PHACTR2: variants seen among roughly 807,000 people sequenced by gnomAD.
The protein encoded by PHACTR2 is chromosome 6 open reading frame 56.
A neutral mutation model predicts 76.0 loss-of-function variants in PHACTR2; 30 were observed. That is an observed-to-expected ratio of 0.39 (90% confidence interval 0.30 to 0.54). The LOEUF (loss-of-function observed/expected upper bound fraction) is 0.54. Among genes scored for constraint, PHACTR2 ranks in the 20% least tolerant of loss-of-function variants. The probability of loss-of-function intolerance (pLI) is 0.61; values close to 1 mark genes in which losing one functional copy is unlikely to be tolerated. For synonymous variants in PHACTR2, 292 were observed against 292.5 expected (o/e 1.00, Z 0.02); for missense variants, 696 against 781.1 (o/e 0.89, Z 1.30).
intron 2 of PHACTR2, among the ~76,000 whole-genome samples, chr6:143,747,373 T>C (rs1380039135): frequency 6.6e-6 from 1 of 152,218 alleles, no homozygotes; most frequent in Admixed American, 6.5e-5. Context: ...TTTCATGCAC[T>C]TACTACAAAG....
In PHACTR2 at chr6:143,823,573, G is replaced by T; in HGVS notation, c.1923-101G>T. The T allele has an allele frequency of 1.3e-6, 1 of 779,272 alleles. No individual in the cohort carries two copies. Among genetic ancestry groups the T allele is most frequent in the Non-Finnish European group, 2.3e-6 (1 of 442,396 alleles). The allele number at this position is 779,272 out of a possible 1,614,324, so 48.3% of individuals were successfully genotyped here. A position where few individuals can be genotyped will look rare whatever the true frequency, so the allele number is the denominator to read the frequency against. On this transcript the variant is annotated intron_variant, in intron 12 of 12. Coordinates refer to ENST00000440869, the MANE Select transcript of PHACTR2 (RefSeq NM_001100164.2). This position sits in a 1 kb window ranked among gnomAD's most constrained non-coding sequence, Gnocchi z 5.7. ...CAGTAATTCAGTTGGGGGATATCTG[G>T]GGTACCTTTTCATTGTAAACATGAC...
rs1778744773 is a variant in PHACTR2 at position 143,733,203 on chromosome 6, C to T, written c.215-15782C>T. 6.6e-6 allele frequency among the ~76,000 whole-genome samples: 1 copy of T among 152,142 alleles called. No individual in the cohort carries two copies. Among genetic ancestry groups the T allele is most frequent in the East Asian group, 1.9e-4 (1 of 5,202 alleles). On this transcript the variant is annotated intron_variant, in intron 2 of 12. Transcript: ENST00000440869. The surrounding 1 kb of genome is among the most constrained non-coding windows in gnomAD (Gnocchi z 4.0). ...TGAGCCACCATGCCTAGCCTGATTC[C>T]TCCTCTTTTTCTACCTTACTTTTTT...
rs1775739381 is a variant in PHACTR2 at position 143,595,591 on chromosome 6, T to C, written c.217+58384T>C. Among the ~76,000 whole-genome samples the C allele has an allele frequency of 6.6e-6, 1 of 152,236 alleles. No homozygotes were observed. Among genetic ancestry groups the C allele is most frequent in the Non-Finnish European group, 1.5e-5 (1 of 68,046 alleles). ...AAACTGATGCTCACTTGAAGTTCCA[T>C]GCCATGTATTTTATTTCAATAGCCA... On this transcript the variant is annotated intron_variant, in intron 1 of 11. Transcript: ENST00000367584. The surrounding 1 kb of genome is among the most constrained non-coding windows in gnomAD (Gnocchi z 4.2).
At position 143,743,902 on chromosome 6, in the gene PHACTR2, AC is replaced by A. The variant is rs1778997702; in HGVS notation, c.215-5082del. Among the ~76,000 whole-genome samples the A allele has an allele frequency of 6.6e-6, 1 of 152,204 alleles. No individual in the cohort carries two copies. The highest frequency in any genetic ancestry group is 2.1e-4 in the South Asian group (1 of 4,824). On this transcript the variant is annotated intron_variant, in intron 2 of 12. Coordinates refer to ENST00000440869, the MANE Select transcript of PHACTR2 (RefSeq NM_001100164.2). This position sits in a 1 kb window ranked among gnomAD's most constrained non-coding sequence, Gnocchi z 5.0. The stretch of plus-strand genomic sequence containing the variant: ...AAGTGACTTGTTGACTACAAGATTT[AC>A]TCTCACAGATATTTCCAGAGTAATA...
rs201321773 is a variant in PHACTR2 at position 143,639,233 on chromosome 6, CA to C, written c.13+30912del. Among the ~76,000 whole-genome samples the C allele has an allele frequency of 6.6e-3, 1,001 of 152,342 alleles. 24 individuals carry two copies. In the East Asian group the frequency reaches 0.093, roughly 14 times the overall value. ...CAATTGCTGCAAAGTACCTGAAGTA[CA>C]GTCTGTCTTTCCAAAACAAATTAAT... On this transcript the variant is annotated intron_variant, in intron 1 of 11. Coordinates refer to the PHACTR2 transcript ENST00000305766. The surrounding 1 kb of genome is among the most constrained non-coding windows in gnomAD (Gnocchi z 5.0).
rs1001296542 is a variant in PHACTR2, at chr6:143,830,973, C to T, written c.*7284C>T. The T allele has an allele frequency of 3.9e-5, 6 of 152,158 alleles. No homozygotes were observed. Among genetic ancestry groups the T allele is most frequent in the Non-Finnish European group, 8.8e-5 (6 of 68,024 alleles). The allele number at this position is 152,158 out of a possible 1,614,324, so 9.4% of individuals were successfully genotyped here. ...TTTAACACCTCTTTGTATGTAAGGT[C>T]TTGAGACATGTAAGGCCTGGTACTT... On this transcript the variant is annotated 3_prime_UTR_variant, in exon 13 of 13. Transcript: ENST00000440869.
In PHACTR2 at chr6:143,760,782, C is replaced by A; in HGVS notation, c.694+142C>A. On this transcript the variant is annotated intron_variant, in intron 5 of 12. Coordinates refer to ENST00000440869, the MANE Select transcript of PHACTR2 (RefSeq NM_001100164.2). The surrounding 1 kb of genome is among the most constrained non-coding windows in gnomAD (Gnocchi z 6.4). Reference sequence around the variant, plus strand: ...AGGTTCAGCTTTGACACAAAGAATGCCCAGGAGATTCCTTTGTTGCTCTCT... The same window carrying A: ...AGGTTCAGCTTTGACACAAAGAATGACCAGGAGATTCCTTTGTTGCTCTCT... The A allele has an allele frequency of 2.1e-6, 2 of 944,804 alleles. No homozygotes were observed. The highest frequency in any genetic ancestry group is 3.1e-6 in the Non-Finnish European group (2 of 649,242). 58.5% of individuals were successfully genotyped at this position (944,804 alleles called of 1,614,324 possible). A position where few individuals can be genotyped will look rare whatever the true frequency, so the allele number is the denominator to read the frequency against.
rs1775917530 is a variant in PHACTR2, at chr6:143,608,409, G to T, written c.13+87G>T. On this transcript the variant is annotated intron_variant, in intron 1 of 11. Coordinates refer to the PHACTR2 transcript ENST00000305766. This position sits in a 1 kb window ranked among gnomAD's most constrained non-coding sequence, Gnocchi z 4.6. Reference sequence around the variant, plus strand: ...ACTGCGGAAGGTTTGCCTATTTGTTGCTCTCGTTTTGCACTTAAATGTTCA... The same window carrying T: ...ACTGCGGAAGGTTTGCCTATTTGTTTCTCTCGTTTTGCACTTAAATGTTCA... 5.7e-6 allele frequency: 8 copies of T among 1,402,310 alleles called. No homozygotes were observed. In the South Asian group the frequency reaches 7.0e-5, roughly 12 times the overall value. The allele number at this position is 1,402,310 out of a possible 1,614,324, so 86.9% of individuals were successfully genotyped here. A position where few individuals can be genotyped will look rare whatever the true frequency, so the allele number is the denominator to read the frequency against.
chr6:143,766,972 C>A (rs1194350986), intron 6 of PHACTR2, among the ~76,000 whole-genome samples: 2 of 152,090 alleles, frequency 1.3e-5, no homozygotes, highest in Non-Finnish European at 2.9e-5. Context: ...TTGTTCAAAT[C>A]ATGTAAAAGG....
chr6:143,713,587 G>A (rs1174737317), intron 2 of PHACTR2, among the ~76,000 whole-genome samples: 1 of 152,216 alleles, frequency 6.6e-6, no homozygotes, highest in East Asian at 1.9e-4. Context: ...GCTGTGCTGT[G>A]TGAGGACACC....
rs78022084 is a variant in PHACTR2 at position 143,547,564 on chromosome 6, T to G, written c.217+10357T>G. On this transcript the variant is annotated intron_variant, in intron 1 of 11. Coordinates refer to the PHACTR2 transcript ENST00000367584. The surrounding 1 kb of genome is among the most constrained non-coding windows in gnomAD (Gnocchi z 4.2). ...AGTAAAGGAGCTTTGAAACAGCCAC[T>G]GTGACATTTGTAGAAGGGACCCAAT... Among the ~76,000 whole-genome samples, 747 of 152,316 alleles carry G rather than the reference T, an allele frequency of 4.9e-3. 9 individuals carry two copies. The highest frequency in any genetic ancestry group is 0.017 in the African/African-American group (709 of 41,550).
At chr6:143,734,526 T>C (rs2128466363) in intron 2 of PHACTR2, among the ~76,000 whole-genome samples, 1 of 152,360 alleles carries the variant, frequency 6.6e-6, no homozygotes, top group South Asian at 2.1e-4. Context: ...GAGCATTCTG[T>C]GAAAGCATTC....
At position 143,689,368 on chromosome 6, in the gene PHACTR2, A is replaced by C. The variant is rs1450681189; in HGVS notation, c.46+11159A>C. 1.3e-5 allele frequency among the ~76,000 whole-genome samples: 2 copies of C among 152,206 alleles called. No homozygotes were observed. Among genetic ancestry groups the C allele is most frequent in the Non-Finnish European group, 2.9e-5 (2 of 68,038 alleles). ...TCTTATTCCTAGGTATATGCCTGACACCAAAACTATTTGTCAAATAAATGA... is the reference window on the plus strand; with the variant it reads ...TCTTATTCCTAGGTATATGCCTGACCCCAAAACTATTTGTCAAATAAATGA... On this transcript the variant is annotated intron_variant, in intron 1 of 12. Coordinates refer to ENST00000440869, the MANE Select transcript of PHACTR2 (RefSeq NM_001100164.2). This position sits in a 1 kb window ranked among gnomAD's most constrained non-coding sequence, Gnocchi z 4.4.
intron 1 of PHACTR2, among the ~76,000 whole-genome samples, chr6:143,630,076 G>A (rs556704697): frequency 3.0e-4 from 45 of 151,532 alleles, no homozygotes; most frequent in African/African-American, 9.7e-4. Context: ...TTGGATACAT[G>A]ACCAAAATAA....
chr6:143,718,905 CAG>C (rs1188886034), intron 2 of PHACTR2, among the ~76,000 whole-genome samples: 1 of 127,174 alleles, frequency 7.9e-6, no homozygotes, highest in African/African-American at 2.8e-5. Flanking sequence ...TTTTTGGAGA[CAG>C]AGTCTCGCTC....
chr6:143,708,020 C>G lies in PHACTR2; in HGVS notation c.47-3996C>G, dbSNP rs1778091859. 6.6e-6 allele frequency among the ~76,000 whole-genome samples: 1 copy of G among 152,162 alleles called. No homozygotes were observed. Among genetic ancestry groups the G allele is most frequent in the African/African-American group, 2.4e-5 (1 of 41,450 alleles). On this transcript the variant is annotated intron_variant, in intron 1 of 12. Coordinates refer to ENST00000440869, the MANE Select transcript of PHACTR2 (RefSeq NM_001100164.2). The surrounding 1 kb of genome is among the most constrained non-coding windows in gnomAD (Gnocchi z 5.5). ...CGGTGCTAAGCAATTCATGAAAACT[C>G]TGCCACCATGATCCATACCTCCCAC...
chr6:143,608,168 T>C, upstream of PHACTR2: 1 of 779,710 alleles, frequency 1.3e-6, no homozygotes, highest in Non-Finnish European at 2.2e-6. This position sits in a 1 kb window ranked among gnomAD's most constrained non-coding sequence, Gnocchi z 4.6. Flanking sequence ...CCTGGCGGTG[T>C]CTCCTGCAGA....
chr6:143,688,427 TC>T lies in PHACTR2; in HGVS notation c.46+10219del, dbSNP rs146721751. Among the ~76,000 whole-genome samples the T allele has an allele frequency of 0.014, 2,116 of 152,232 alleles. 47 individuals carry two copies. The highest frequency in any genetic ancestry group is 0.048 in the African/African-American group (2,003 of 41,526). On this transcript the variant is annotated intron_variant, in intron 1 of 12. Transcript: ENST00000440869. This position sits in a 1 kb window ranked among gnomAD's most constrained non-coding sequence, Gnocchi z 5.2. ...AGTTTGTGTCTGCAACTCTGACCTT[TC>T]TCTGCACTGCAGGCTCAAATGTGCA...
intron 1 of PHACTR2, among the ~76,000 whole-genome samples, chr6:143,640,410 C>T (rs1036456450): frequency 6.6e-6 from 1 of 152,076 alleles, no homozygotes; most frequent in African/African-American, 2.4e-5. Context: ...AATAGAATAA[C>T]GTTCTCAAAC....
Sources: gnomAD v4.1 joint callset for allele counts (sites outside exome capture counted in the v4.1 genomes callset) on GRCh38, gnomAD v4.1.1 for gene constraint, Gnocchi (gnomAD v3.1) non-coding constraint, MANE v1.5 for transcripts, NCBI Gene and HGNC (gene_info 2026-07-23, HGNC 2026-07-21) for gene names.